The following CTNND2 variants were observed in gnomAD, a reference collection of about 807,000 sequenced individuals.
CTNND2 encodes catenin delta 2.
CTNND2 carries 22 observed loss-of-function variants against 144.4 expected under a neutral mutation model. The ratio of observed to expected loss-of-function variants is 0.15; its 90% CI spans 0.11 to 0.22. The LOEUF (loss-of-function observed/expected upper bound fraction) is 0.22, where lower values mean the gene tolerates loss of function less well. Ranked by LOEUF, CTNND2 falls within the 10% of genes least tolerant of loss-of-function variation. The pLI, the probability that CTNND2 is intolerant of heterozygous loss-of-function variation, is 1.00. For synonymous variants in CTNND2, 751 were observed against 695.6 expected (o/e 1.08, Z -1.25); for missense variants, 1,353 against 1,618.8 (o/e 0.84, Z 2.82).
chr5:11,739,118 C>G (rs1787855916), intron 1 of CTNND2, among the ~76,000 whole-genome samples: 1 of 152,154 alleles, frequency 6.6e-6, no homozygotes, highest in Admixed American at 6.6e-5. Flanking sequence ...CCAGTGGGTA[C>G]ACTATTGAAC....
intron 3 of CTNND2, among the ~76,000 whole-genome samples, chr5:11,524,621 G>A (rs926404543): frequency 3.3e-5 from 5 of 152,154 alleles, no homozygotes; most frequent in African/African-American, 4.8e-5. Context: ...GCCTAAGGAA[G>A]GAGATAAGCT....
At chr5:11,489,887 GT>G (rs1373954070) in intron 3 of CTNND2, among the ~76,000 whole-genome samples, 2 of 152,054 alleles carry the variant, frequency 1.3e-5, no homozygotes, top group Non-Finnish European at 2.9e-5. Flanking sequence ...TGTGAATTTC[GT>G]TCTAGGTTTA....
chr5:11,523,960 A>T (rs1172269296), intron 3 of CTNND2, among the ~76,000 whole-genome samples: 1 of 152,160 alleles, frequency 6.6e-6, no homozygotes, highest in African/African-American at 2.4e-5. Flanking sequence ...TCCTCAGCTA[A>T]TTAATCCCCT....
At chr5:11,767,033 T>C (rs1323909983) in intron 1 of CTNND2, among the ~76,000 whole-genome samples, 1 of 152,022 alleles carries the variant, frequency 6.6e-6, no homozygotes, top group African/African-American at 2.4e-5. Context: ...TCCATCTACA[T>C]TGTCATCTGG....
intron 9 of CTNND2, among the ~76,000 whole-genome samples, chr5:11,250,471 C>CTT (rs1318144963): frequency 1.7e-5 from 1 of 60,406 alleles, no homozygotes; most frequent in Non-Finnish European, 2.8e-5. Flanking sequence ...CTCTCTCTCT[C>CTT]TCTCTCTCTC....
intron 14 of CTNND2, among the ~76,000 whole-genome samples, chr5:11,104,001 T>C (rs569978456): frequency 7.7e-4 from 117 of 152,312 alleles, no homozygotes; most frequent in South Asian, 7.5e-3. Context: ...AGCTCCTCTT[T>C]CCACCTGTCA....
At chr5:11,791,105 T>C (rs918631282) in intron 1 of CTNND2, among the ~76,000 whole-genome samples, 8 of 152,104 alleles carry the variant, frequency 5.3e-5, no homozygotes, top group African/African-American at 1.9e-4. Context: ...AAGCAAGGAA[T>C]GCCTGGGGTT....
At chr5:11,692,848 G>A (rs1030206257) in intron 2 of CTNND2, among the ~76,000 whole-genome samples, 2 of 152,120 alleles carry the variant, frequency 1.3e-5, no homozygotes, top group Admixed American at 6.5e-5. Context: ...GTGATCTGCC[G>A]GCCTCGGCCT....
intron 1 of CTNND2, among the ~76,000 whole-genome samples, chr5:11,819,284 C>A (rs4235616): frequency 1 from 151,874 of 152,140 alleles, 75,807 homozygotes; most frequent in Middle Eastern, 1. Context: ...AAATACAAAA[C>A]TTAGCCAGGA....
intron 18 of CTNND2, among the ~76,000 whole-genome samples, chr5:11,003,905 T>C (rs1251940796): frequency 6.6e-6 from 1 of 152,248 alleles, no homozygotes; most frequent in East Asian, 1.9e-4. Context: ...TACTTAAAGG[T>C]ACAGTACGTA....
At chr5:11,258,235 G>A (rs943484801) in intron 9 of CTNND2, among the ~76,000 whole-genome samples, 5 of 152,148 alleles carry the variant, frequency 3.3e-5, no homozygotes, top group African/African-American at 1.2e-4. Context: ...ATGTCCACAG[G>A]CCAGGGAGGC....
chr5:10,989,913 C>T (rs1738476932), intron 19 of CTNND2, among the ~76,000 whole-genome samples: 1 of 152,228 alleles, frequency 6.6e-6, no homozygotes, highest in Admixed American at 6.5e-5. Flanking sequence ...CCTCAATGCT[C>T]AGCTCTTGAA....
intron 10 of CTNND2, among the ~76,000 whole-genome samples, chr5:11,223,697 C>T (rs1243616293): frequency 1.3e-5 from 2 of 152,120 alleles, no homozygotes; most frequent in East Asian, 1.9e-4. Flanking sequence ...AGAACTGTCA[C>T]GCTGACATCT....
chr5:11,394,905 G>GA lies in CTNND2; in HGVS notation c.612+2125dup, dbSNP rs1002758526. ...TACTTTAGAACTACATAGTTTTTTAGAAAAAAAATAGAATATTTTTGTTTT... is the reference window on the plus strand; with the variant it reads ...TACTTTAGAACTACATAGTTTTTTAGAAAAAAAAATAGAATATTTTTGTTTT... On this transcript the variant is annotated intron_variant, in intron 6 of 21. Transcript: ENST00000304623. Among the ~76,000 whole-genome samples the GA allele has an allele frequency of 1.6e-4, 24 of 151,776 alleles. No individual in the cohort carries two copies. The East Asian group carries it at 3.9e-3, about 24-fold the overall frequency.
At chr5:11,315,629 A>G (rs1751397257) in intron 9 of CTNND2, among the ~76,000 whole-genome samples, 1 of 152,204 alleles carries the variant, frequency 6.6e-6, no homozygotes, top group South Asian at 2.1e-4. Context: ...AAAATATACA[A>G]CTTTTCAACT....
At chr5:11,092,058 C>T (rs1750831548) in intron 15 of CTNND2, among the ~76,000 whole-genome samples, 1 of 152,182 alleles carries the variant, frequency 6.6e-6, no homozygotes, top group South Asian at 2.1e-4. Context: ...GTCCCTCAAT[C>T]TTCATACCAT....
chr5:11,774,550 T>TAA (rs769073186), intron 1 of CTNND2, among the ~76,000 whole-genome samples: 1 of 24,330 alleles, frequency 4.1e-5, no homozygotes, highest in East Asian at 1.3e-3. Context: ...TAAAGTATAA[T>TAA]AAAAAAAAAT....
At chr5:11,208,535 A>G (rs1442183859) in intron 10 of CTNND2, among the ~76,000 whole-genome samples, 1 of 152,230 alleles carries the variant, frequency 6.6e-6, no homozygotes, top group Non-Finnish European at 1.5e-5. Context: ...ACAAGACTTT[A>G]GGATTTCATC....
rs540453759 is a variant in CTNND2 at position 11,253,495 on chromosome 5, T to C, written c.1629-16672A>G. Among the ~76,000 whole-genome samples, 5 of 152,308 alleles carry C rather than the reference T, an allele frequency of 3.3e-5. No individual in the cohort carries two copies. The South Asian group carries it at 6.2e-4, about 19-fold the overall frequency. On this transcript the variant is annotated intron_variant, in intron 9 of 21. Transcript: ENST00000304623. ...TGATTTTGTAGCAGTTTTCCCCTTT[T>C]GCTTGGCTCTCATTCTCTCTTGCCT...
Sources: gnomAD v4.1 joint callset for allele counts (sites outside exome capture counted in the v4.1 genomes callset) on GRCh38, gnomAD v4.1.1 for gene constraint, MANE v1.5 for transcripts, NCBI Gene and HGNC (gene_info 2026-07-23, HGNC 2026-07-21) for gene names.